PALM2AKAP2: variants seen among roughly 807,000 people sequenced by gnomAD.
The protein encoded by PALM2AKAP2 is PALM2 and AKAP2 fusion.
A neutral mutation model predicts 71.5 loss-of-function variants in PALM2AKAP2; 37 were observed. The ratio of observed to expected loss-of-function variants is 0.52; its 90% confidence interval spans 0.40 to 0.68. The LOEUF (loss-of-function observed/expected upper bound fraction) is 0.68, where lower values mean the gene tolerates loss of function less well. Among genes scored for constraint, PALM2AKAP2 ranks in the 30% least tolerant of loss-of-function variants. The probability of loss-of-function intolerance (pLI) is 0.00; values close to 1 mark genes in which losing one functional copy is unlikely to be tolerated. For synonymous variants in PALM2AKAP2, 468 were observed against 478.8 expected (o/e 0.98, Z 0.29); for missense variants, 1,224 against 1,191.8 (o/e 1.03, Z -0.40).
intron 1 of PALM2AKAP2, among the ~76,000 whole-genome samples, chr9:109,679,498 A>T (rs542467123): frequency 6.6e-6 from 1 of 152,324 alleles, no homozygotes; most frequent in East Asian, 1.9e-4. Context: ...GAGTTTTGCC[A>T]TCGAAAACTC....
intron 6 of PALM2AKAP2, among the ~76,000 whole-genome samples, chr9:109,955,405 T>C (rs1831727405): frequency 6.6e-6 from 1 of 152,234 alleles, no homozygotes; most frequent in Non-Finnish European, 1.5e-5. Context: ...TAAGGAACTT[T>C]AGGGTATCCT....
At chr9:110,120,279 A>T (rs1304521876) in intron 1 of PALM2AKAP2, among the ~76,000 whole-genome samples, 1 of 152,234 alleles carries the variant, frequency 6.6e-6, no homozygotes, top group African/African-American at 2.4e-5. Flanking sequence ...GAGATGAGAT[A>T]CCATGCCTGA....
chr9:110,019,893 G>A (rs10980149), intron 7 of PALM2AKAP2, among the ~76,000 whole-genome samples: 10,656 of 152,076 alleles, frequency 0.07, 391 homozygotes, highest in Middle Eastern at 0.15. Context: ...CCAGCATTAC[G>A]TAATATACCT....
intron 1 of PALM2AKAP2, among the ~76,000 whole-genome samples, chr9:109,673,127 G>A (rs1827600365): frequency 1.3e-5 from 2 of 151,858 alleles, no homozygotes; most frequent in Non-Finnish European, 2.9e-5. Context: ...TCTGATTTTT[G>A]TTATTTCTTG....
intron 3 of PALM2AKAP2, among the ~76,000 whole-genome samples, chr9:109,906,582 T>C (rs571636910): frequency 2.6e-4 from 40 of 152,328 alleles, no homozygotes; most frequent in African/African-American, 9.6e-4. Flanking sequence ...GCTTAGGAAG[T>C]TGTCAACATC....
chr9:109,819,983 G>A (rs1001782796), intron 1 of PALM2AKAP2, among the ~76,000 whole-genome samples: 3 of 152,172 alleles, frequency 2.0e-5, no homozygotes, highest in Admixed American at 6.5e-5. Flanking sequence ...GGTTAAATAT[G>A]ATATGTTCGG....
At chr9:110,149,962 T>A (rs1421128499) in intron 2 of PALM2AKAP2, among the ~76,000 whole-genome samples, 2 of 152,238 alleles carry the variant, frequency 1.3e-5, no homozygotes, top group African/African-American at 4.8e-5. Context: ...GAGACCAGCC[T>A]GGTCTCAATT....
At chr9:110,037,169 A>G (rs1588071425) in intron 7 of PALM2AKAP2, among the ~76,000 whole-genome samples, 1 of 148,100 alleles carries the variant, frequency 6.8e-6, no homozygotes, top group Non-Finnish European at 1.5e-5. Flanking sequence ...GAACATGGGG[A>G]CTTTCCTTTT....
chr9:109,669,678 G>A (rs10816852), intron 1 of PALM2AKAP2, among the ~76,000 whole-genome samples: 14,405 of 151,682 alleles, frequency 0.095, 773 homozygotes, highest in East Asian at 0.24. Context: ...TCAATAAGTC[G>A]CATTTTTCAG....
intron 7 of PALM2AKAP2, among the ~76,000 whole-genome samples, chr9:110,033,199 A>G (rs940615539): frequency 6.6e-6 from 1 of 152,240 alleles, no homozygotes; most frequent in Admixed American, 6.5e-5. Context: ...CTAAGTTTAT[A>G]TTAAGTGTAT....
At chr9:110,116,355 CGTGTGTGCGTGT>C (rs774570808) in intron 1 of PALM2AKAP2, among the ~76,000 whole-genome samples, 167 of 151,726 alleles carry the variant, frequency 1.1e-3, no homozygotes, top group African/African-American at 3.8e-3. Context: ...TTAATGAGCC[CGTGTGTGCGTGT>C]GTGTGTGCGT....
chr9:109,691,853 TATATATATATATATACACACACACACAC>T (rs1415390554), intron 1 of PALM2AKAP2, among the ~76,000 whole-genome samples: 2,432 of 41,628 alleles, frequency 0.058, 84 homozygotes, highest in East Asian at 0.14. Flanking sequence ...TATATATATA[TATATATATATATATACACACACACACAC>T]ATATATATAT....
chr9:110,068,870 C>T (rs1436212960), intron 1 of PALM2AKAP2, among the ~76,000 whole-genome samples: 1 of 152,108 alleles, frequency 6.6e-6, no homozygotes, highest in African/African-American at 2.4e-5. Context: ...TCTTGGTTTG[C>T]CACACCTCTG....
intron 3 of PALM2AKAP2, among the ~76,000 whole-genome samples, chr9:109,888,293 C>A (rs892135229): frequency 4.6e-5 from 7 of 152,214 alleles, no homozygotes; most frequent in Admixed American, 4.6e-4. Context: ...CATGTAAACT[C>A]TCTGGACTTA....
chr9:109,891,777 C>T (rs938618345), intron 3 of PALM2AKAP2, among the ~76,000 whole-genome samples: 2 of 152,070 alleles, frequency 1.3e-5, no homozygotes, highest in Admixed American at 6.5e-5. Flanking sequence ...AGGTGTGAAT[C>T]CCCGTGCCTG....
chr9:110,110,684 T>A (rs944961891), intron 1 of PALM2AKAP2, among the ~76,000 whole-genome samples: 7 of 151,666 alleles, frequency 4.6e-5, no homozygotes, highest in Non-Finnish European at 8.8e-5. Flanking sequence ...GTAGCTGGGA[T>A]TACAGGCACC....
chr9:110,087,652 A>G (rs911923157), intron 1 of PALM2AKAP2, among the ~76,000 whole-genome samples: 18 of 152,220 alleles, frequency 1.2e-4, no homozygotes, highest in African/African-American at 4.1e-4. Context: ...ACCAAGCTGC[A>G]TGGATTTCTC....
intron 1 of PALM2AKAP2, among the ~76,000 whole-genome samples, chr9:109,742,414 G>A (rs1284161220): frequency 4.6e-5 from 7 of 152,148 alleles, no homozygotes; most frequent in Non-Finnish European, 7.3e-5. Context: ...GGAACTATGA[G>A]CCTTATGTAT....
chr9:110,162,396 G>A (rs182990532), intron 3 of PALM2AKAP2, among the ~76,000 whole-genome samples: 2 of 152,128 alleles, frequency 1.3e-5, no homozygotes, highest in African/African-American at 4.8e-5. Context: ...GCCTGCTCAC[G>A]AATCTTGAAG....
Sources: allele counts gnomAD v4.1 joint callset (sites outside exome capture counted in the v4.1 genomes callset), GRCh38; gene constraint gnomAD v4.1.1; transcripts MANE v1.5; gene names NCBI Gene and HGNC (gene_info 2026-07-23, HGNC 2026-07-21).